The following TIAM2 variants were observed in gnomAD, a reference collection of about 807,000 sequenced individuals.
The protein encoded by TIAM2 is rho guanine nucleotide exchange factor TIAM2.
A neutral mutation model predicts 152.9 loss-of-function variants in TIAM2; 80 were observed. The ratio of observed to expected loss-of-function variants is 0.52; its 90% CI spans 0.44 to 0.63. The LOEUF (loss-of-function observed/expected upper bound fraction) is 0.63. Ranked by LOEUF, TIAM2 falls within the 30% of genes least tolerant of loss-of-function variation. The probability of loss-of-function intolerance (pLI) is 0.00; values close to 1 mark genes in which losing one functional copy is unlikely to be tolerated. For missense variants in TIAM2, 1,965 were observed against 2,120.1 expected, an observed-to-expected ratio of 0.93 and a Z score of 1.44; for synonymous variants, 804 against 838.0, an observed-to-expected ratio of 0.96 and a Z score of 0.70.
chr6:155,031,753 T>C (rs1169619370), intron 1 of TIAM2, among the ~76,000 whole-genome samples: 2 of 152,104 alleles, frequency 1.3e-5, no homozygotes, highest in African/African-American at 4.8e-5. Context: ...GCAGAACTTA[T>C]ATTTAAATAA....
At chr6:155,083,534 C>T (rs1223675670) in intron 1 of TIAM2, among the ~76,000 whole-genome samples, 2 of 152,120 alleles carry the variant, frequency 1.3e-5, no homozygotes, top group Non-Finnish European at 2.9e-5. Flanking sequence ...GACTAGCCTG[C>T]TGCCATAAAC....
chr6:155,078,101 C>T (rs558168087), intron 1 of TIAM2, among the ~76,000 whole-genome samples: 1 of 152,216 alleles, frequency 6.6e-6, no homozygotes, highest in Admixed American at 6.5e-5. Flanking sequence ...CTCTGTCACT[C>T]AGGCTGGAGT....
chr6:155,073,194 G>A (rs1326179210), intron 1 of TIAM2, among the ~76,000 whole-genome samples: 2 of 117,962 alleles, frequency 1.7e-5, no homozygotes, highest in South Asian at 2.5e-4. Context: ...ACTAAGTCTC[G>A]CTCTGCTGCC....
At chr6:155,251,715 T>A (rs1783665631) in intron 22 of TIAM2, among the ~76,000 whole-genome samples, 3 of 152,198 alleles carry the variant, frequency 2.0e-5, no homozygotes, top group South Asian at 4.1e-4. Flanking sequence ...ACAAAGAGTT[T>A]AAAAAAGCCA....
intron 1 of TIAM2, 63 bp from the exon 2 acceptor site, chr6:155,090,226 A>G (rs1400876844): frequency 2.0e-5 from 3 of 152,188 alleles, no homozygotes; most frequent in Non-Finnish European, 4.4e-5. Context: ...AGCTTCAATT[A>G]TAACAATCTG....
chr6:155,226,095 G>A (rs1271121261), intron 15 of TIAM2, among the ~76,000 whole-genome samples: 1 of 152,228 alleles, frequency 6.6e-6, no homozygotes, highest in African/African-American at 2.4e-5. Flanking sequence ...AAGAGAAAGT[G>A]TAGGGCTTTC....
At chr6:155,005,617 G>C (rs1357334622) in intron 1 of TIAM2, among the ~76,000 whole-genome samples, 1 of 151,868 alleles carries the variant, frequency 6.6e-6, no homozygotes, top group East Asian at 1.9e-4. Flanking sequence ...TGGGATTACA[G>C]GGGTGAGCCA....
At chr6:155,083,027 G>A (rs1778101053) in intron 1 of TIAM2, among the ~76,000 whole-genome samples, 1 of 152,096 alleles carries the variant, frequency 6.6e-6, no homozygotes, top group Non-Finnish European at 1.5e-5. Flanking sequence ...AGATGGTTCT[G>A]AGTATTGATT....
intron 2 of TIAM2, among the ~76,000 whole-genome samples, chr6:155,118,269 GA>G (rs761681094): frequency 3.3e-5 from 5 of 152,124 alleles, no homozygotes; most frequent in Admixed American, 6.6e-5. Flanking sequence ...ACCTTTCCCT[GA>G]AGGAGCTGGG....
chr6:155,055,876 C>CT (rs1431808490), intron 1 of TIAM2, among the ~76,000 whole-genome samples: 1 of 152,012 alleles, frequency 6.6e-6, no homozygotes, highest in African/African-American at 2.4e-5. Flanking sequence ...GTGGGAGGAT[C>CT]CCTTGAGCCC....
intron 10 of TIAM2, among the ~76,000 whole-genome samples, chr6:155,177,946 G>A (rs1780793682): frequency 6.6e-6 from 1 of 152,072 alleles, no homozygotes; most frequent in Admixed American, 6.6e-5. Context: ...AGGCCGAGGA[G>A]GTCAGGAGAT....
rs1409264103 is a variant in TIAM2, at chr6:155,137,240, G to A, written c.1258G>A (p.Val420Met). Residue 420 changes from valine (V) to methionine (M), a missense_variant, in exon 5 of 27, where the codon GTG (valine) becomes ATG (methionine). Physicochemically the swap from Val to Met is conservative, Grantham distance 21 (BLOSUM62 1). Around this residue, in one of 3 missense-constraint regions of TIAM2, gnomAD observed 1,025 missense variants for 1,119.4 expected, o/e 0.92. Transcript: ENST00000682666. ...DSRSDGLNTD[V>M]QGSSQASAFL... ...TCGCTCTGATGGACTGAATACAGAT[G>A]TGCAGGGATCCTCCCAGGCATCTGC... 6.2e-7 allele frequency: 1 copy of A among 1,614,222 alleles called. No homozygotes were observed. Among genetic ancestry groups the A allele is most frequent in the Non-Finnish European group, 8.5e-7 (1 of 1,180,038 alleles).
At chr6:155,086,279 G>C (rs952049313) in intron 1 of TIAM2, among the ~76,000 whole-genome samples, 1 of 152,162 alleles carries the variant, frequency 6.6e-6, no homozygotes, top group East Asian at 1.9e-4. Context: ...GCTCTTTCCC[G>C]CTGTCTACAT....
rs138457801 is a variant in TIAM2 at position 155,240,577 on chromosome 6, G to A, written c.3216G>A (p.Gln1072=). 1 of 1,614,154 alleles carries A rather than the reference G, an allele frequency of 6.2e-7. No individual in the cohort carries two copies. The highest frequency in any genetic ancestry group is 2.2e-5 in the East Asian group (1 of 44,882). Residue 1072 remains glutamine, a synonymous_variant, in exon 16 of 27, where the codon CAG becomes CAA. Coordinates refer to ENST00000682666, the MANE Select transcript of TIAM2 (RefSeq NM_012454.4). The part of the protein sequence containing the change: ...TALCRSFNDS[Q]ANGMEGPREN... ...TGTGCAGGAGTTTTAACGACAGTCA[G>A]GCCAACGGCATGGAAGGACCGCGGG...
In TIAM2 at chr6:155,219,053, C is replaced by T. The variant is rs149677278; in HGVS notation, c.3168+7746C>T. Among the ~76,000 whole-genome samples, 758 of 151,354 alleles carry T rather than the reference C, an allele frequency of 5.0e-3. 10 individuals carry two copies. Among genetic ancestry groups the T allele is most frequent in the African/African-American group, 0.018 (727 of 41,050 alleles). On this transcript the variant is annotated intron_variant, in intron 15 of 26. Transcript: ENST00000682666. ...CCGTGTTCTTGACCATCTCAGCCGCCCACCCGTGTTCTTGACCATCTCAGC... is the reference window on the plus strand; with the variant it reads ...CCGTGTTCTTGACCATCTCAGCCGCTCACCCGTGTTCTTGACCATCTCAGC...
At chr6:155,136,832 T>A (rs1263309313) in intron 4 of TIAM2, among the ~76,000 whole-genome samples, 1 of 152,220 alleles carries the variant, frequency 6.6e-6, no homozygotes, top group East Asian at 1.9e-4. Flanking sequence ...GATTCATGGT[T>A]AGCAATGAAG....
At chr6:155,007,692 A>T (rs1201838048) in intron 1 of TIAM2, among the ~76,000 whole-genome samples, 1 of 152,180 alleles carries the variant, frequency 6.6e-6, no homozygotes, top group East Asian at 1.9e-4. Flanking sequence ...AACAGGCAGG[A>T]CTTTGCTTAG....
intron 9 of TIAM2, among the ~76,000 whole-genome samples, chr6:155,172,653 TATATATATATATATATATATA>T (rs1780617061): frequency 3.3e-4 from 5 of 15,100 alleles, no homozygotes; most frequent in South Asian, 3.5e-3. Context: ...TATATATATA[TATATATATATATATATATATA>T]TATATATATA....
At chr6:155,189,131 A>G (rs1781125090) in intron 14 of TIAM2, among the ~76,000 whole-genome samples, 1 of 152,222 alleles carries the variant, frequency 6.6e-6, no homozygotes, top group African/African-American at 2.4e-5. Context: ...CACCAGGGAA[A>G]AGCATTATAG....
Sources: gnomAD v4.1 joint callset for allele counts (sites outside exome capture counted in the v4.1 genomes callset) on GRCh38, gnomAD v4.1.1 for gene constraint, gnomAD v4.1.1 regional missense constraint, MANE v1.5 for transcripts, NCBI Gene and HGNC (gene_info 2026-07-23, HGNC 2026-07-21) for gene names.